The following MUC4 variants were observed in gnomAD, a reference collection of about 807,000 sequenced individuals.
MUC4 encodes the protein mucin-4.
A neutral mutation model predicts 257.9 loss-of-function variants in MUC4; 202 were observed. The ratio of observed to expected loss-of-function variants is 0.78; its 90% CI spans 0.70 to 0.88. The LOEUF (loss-of-function observed/expected upper bound fraction) is 0.88, where lower values mean the gene tolerates loss of function less well. Among genes scored for constraint, MUC4 ranks in the 40% least tolerant of loss-of-function variants. The pLI is 0.00. For missense variants in MUC4, 5,976 were observed against 6,513.7 expected, an observed-to-expected ratio of 0.92 and a Z score of 2.84; for synonymous variants, 2,351 against 2,757.1, an observed-to-expected ratio of 0.85 and a Z score of 4.62.
Position 195,789,328 on chromosome 3 carries a change from G to A in MUC4, c.2252C>T (p.Pro751Leu), listed in dbSNP as rs769910071. ...ANSVVSTPGG[P>L]EGQWTSASAS... ...AGAGGCTGATGTCCATTGTCCTTCT[G>A]GGCCCCCTGGTGTTGACACTACAGA... The change falls in exon 2 of 25, where the codon CCA (proline) becomes CTA (leucine). Residue 751 changes from proline to leucine, a missense_variant. Around this residue, in one of 44 missense-constraint regions of MUC4, gnomAD observed 1,583 missense variants for 1,257.4 expected, o/e 1.26. Transcript: ENST00000463781. 37 of 1,613,902 alleles carry A rather than the reference G, an allele frequency of 2.3e-5. No individual in the cohort carries two copies. The highest frequency in any genetic ancestry group is 1.7e-4 in the Middle Eastern group (1 of 6,060).
At chr3:195,775,353 G>A (rs146950812) in intron 3 of MUC4, among the ~76,000 whole-genome samples, 9 of 151,510 alleles carry the variant, frequency 5.9e-5, no homozygotes, top group South Asian at 2.1e-4. Flanking sequence ...GCACCGGGAC[G>A]ACTTTCTGCA....
Position 195,782,151 on chromosome 3 carries a change from G to C in MUC4, c.9429C>G (p.Ser3143=), listed in dbSNP as rs1449047666. 1.5e-6 allele frequency: 2 copies of C among 1,358,226 alleles called. No homozygotes were observed. The highest frequency in any genetic ancestry group is 1.9e-6 in the Non-Finnish European group (2 of 1,033,692). The allele number at this position is 1,358,226 out of a possible 1,614,324, so 84.1% of individuals were successfully genotyped here. A position where few individuals can be genotyped will look rare whatever the true frequency, so the allele number is the denominator to read the frequency against. The stretch of plus-strand genomic sequence containing the variant: ...GGGTGGTGTCACCTGTGGATGCTGA[G>C]GAAGTGCTGGTGACAGGAAGAGCGG... ...QATALPVTST[S]SASTGDTTPL... is the part of the protein sequence containing the mutation. Residue 3143 remains serine (S), a synonymous_variant, in exon 2 of 25, where the codon TCC becomes TCG. Coordinates refer to ENST00000463781, the MANE Select transcript of MUC4 (RefSeq NM_018406.7).
chr3:195,806,672 G>A (rs1033934110), intron 1 of MUC4, among the ~76,000 whole-genome samples: 3 of 152,182 alleles, frequency 2.0e-5, no homozygotes, highest in Admixed American at 6.6e-5. Context: ...TCTTCCCTCC[G>A]TCGGTGGGCT....
At chr3:195,751,160 G>T (rs1434528549) in intron 22 of MUC4, 47 bp downstream of exon 22, 6 of 1,423,068 alleles carry the variant, frequency 4.2e-6, no homozygotes, top group Non-Finnish European at 4.8e-6. Flanking sequence ...TGGGGGTGGG[G>T]GATGAGGAAG....
chr3:195,747,569 A>G (rs1431839744), intron 24 of MUC4, among the ~76,000 whole-genome samples, 189 bp from the exon 25 acceptor site: 1 of 152,288 alleles, frequency 6.6e-6, no homozygotes, highest in African/African-American at 2.4e-5. Flanking sequence ...TGTGGGCTTT[A>G]AAAACATGGG....
At position 195,780,573 on chromosome 3, in the gene MUC4, GTCGGTGACAGGAAGAGGGGTGGCGTGAC is replaced by G; in HGVS notation, c.10979_11006del (p.Gly3660AlafsTer590). On this transcript the variant is annotated frameshift_variant, in exon 2 of 25. Coordinates refer to ENST00000463781, the MANE Select transcript of MUC4 (RefSeq NM_018406.7). LOFTEE classifies it high-confidence loss of function. ...TGTCACCTGTGGATGCTGAGGAAGT[GTCGGTGACAGGAAGAGGGGTGGCGTGAC>G]CTGTGGATACTGAGGAAGCGTCGGT... The G allele has an allele frequency of 1.1e-6, 1 of 911,280 alleles. No individual in the cohort carries two copies. Among genetic ancestry groups the G allele is most frequent in the African/African-American group, 4.5e-5 (1 of 22,214 alleles). The allele number at this position is 911,280 out of a possible 1,614,324, so 56.4% of individuals were successfully genotyped here. A position where few individuals can be genotyped will look rare whatever the true frequency, so the allele number is the denominator to read the frequency against.
intron 7 of MUC4, among the ~76,000 whole-genome samples, chr3:195,767,846 ATCG>A (rs1369218011): frequency 2.2e-4 from 28 of 127,476 alleles, no homozygotes; most frequent in African/African-American, 7.5e-4. Context: ...CACCACCACC[ATCG>A]CCACCATCAC....
chr3:195,753,667 T>C (rs1395695577), intron 19 of MUC4: 1 of 225,452 alleles, frequency 4.4e-6, no homozygotes, highest in African/African-American at 2.3e-5. Context: ...GGCCTCGCTG[T>C]GATCTCCCTC....
At chr3:195,750,864 G>A (rs1716259269) in intron 23 of MUC4, 25 bp downstream of exon 23, 1 of 1,607,950 alleles carries the variant, frequency 6.2e-7, no homozygotes, top group African/African-American at 1.3e-5. Context: ...GACCCCCATA[G>A]TGTCCCCGGA....
chr3:195,811,655 C>A, intron 1 of MUC4, 81 bp downstream of exon 1: 3 of 1,266,986 alleles, frequency 2.4e-6, no homozygotes, highest in Non-Finnish European at 3.4e-6. Flanking sequence ...TCTCTGTCTC[C>A]CCGGACCTCT....
At chr3:195,754,713 T>C (rs746457059) in intron 18 of MUC4, among the ~76,000 whole-genome samples, 2 of 150,958 alleles carry the variant, frequency 1.3e-5, no homozygotes, top group Non-Finnish European at 3.0e-5. Flanking sequence ...GATTGAAGCA[T>C]GAATGAATGA....
chr3:195,788,977 A>G lies in MUC4; in HGVS notation c.2603T>C (p.Val868Ala), dbSNP rs758531937. The G allele has an allele frequency of 6.2e-7, 1 of 1,613,526 alleles. No individual in the cohort carries two copies. Among genetic ancestry groups the G allele is most frequent in the African/African-American group, 1.3e-5 (1 of 74,824 alleles). ...PVSTGMASSIVPGTFHPTLSE... is the reference protein window; with the variant it reads ...PVSTGMASSIAPGTFHPTLSE... ...GAGGGTGGGATGAAAGGTGCCGGGGACGATCGAAGACGCCATTCCTGTGCT... is the reference window on the plus strand; with the variant it reads ...GAGGGTGGGATGAAAGGTGCCGGGGGCGATCGAAGACGCCATTCCTGTGCT... Residue 868 changes from valine to alanine, a missense_variant, in exon 2 of 25, where the codon GTC (valine) becomes GCC (alanine). By Grantham distance (64) the Val-to-Ala change is moderately conservative. Transcript: ENST00000463781.
intron 1 of MUC4, among the ~76,000 whole-genome samples, chr3:195,794,391 GA>G (rs1560409545): frequency 4.8e-5 from 7 of 146,308 alleles, no homozygotes; most frequent in Non-Finnish European, 7.4e-5. Flanking sequence ...GAGAGAGAGA[GA>G]AGAAAGAGAG....
Position 195,782,905 on chromosome 3 carries a change from CCT to C in MUC4, c.8673_8674del (p.Gly2892SerfsTer17). On this transcript the variant is annotated frameshift_variant, in exon 2 of 25. Coordinates refer to ENST00000463781, the MANE Select transcript of MUC4 (RefSeq NM_018406.7). LOFTEE classifies it high-confidence loss of function. ...GGTGAGAGGAAGAGGGGTAGCGTGA[CCT>C]GTGGACACTGAGGAAGCGTCGGTGA... The C allele has an allele frequency of 6.6e-7, 1 of 1,515,052 alleles. No individual in the cohort carries two copies. Among genetic ancestry groups the C allele is most frequent in the Non-Finnish European group, 8.9e-7 (1 of 1,124,416 alleles). The allele number at this position is 1,515,052 out of a possible 1,614,324, so 93.9% of individuals were successfully genotyped here. A position where few individuals can be genotyped will look rare whatever the true frequency, so the allele number is the denominator to read the frequency against.
chr3:195,795,694 G>T (rs1407555573), intron 1 of MUC4, among the ~76,000 whole-genome samples: 1 of 151,938 alleles, frequency 6.6e-6, no homozygotes, highest in Non-Finnish European at 1.5e-5. Context: ...AGACTAGAAA[G>T]ACCAGGAAGA....
Position 195,755,173 on chromosome 3 carries a change from C to T in MUC4, c.15169-801G>A, listed in dbSNP as rs140582118. Among the ~76,000 whole-genome samples the T allele has an allele frequency of 1.1e-4, 17 of 151,928 alleles. No homozygotes were observed. Among genetic ancestry groups the T allele is most frequent in the Non-Finnish European group, 2.1e-4 (14 of 67,952 alleles). On this transcript the variant is annotated intron_variant, in intron 18 of 24. Coordinates refer to ENST00000463781, the MANE Select transcript of MUC4 (RefSeq NM_018406.7). The surrounding 1 kb of genome is among the most constrained non-coding windows in gnomAD (Gnocchi z 5.0). ...CTGGGGCTACAGGCATGCACCACCA[C>T]GCCCACTAATTTTTGTATTTTTCTT...
chr3:195,798,332 T>C (rs931949740), intron 1 of MUC4, among the ~76,000 whole-genome samples: 6 of 152,150 alleles, frequency 3.9e-5, no homozygotes, highest in African/African-American at 9.7e-5. Context: ...TTTGGGAACA[T>C]TTATAGTTGA....
rs367987518 is a variant in MUC4, at chr3:195,749,188, A to G, written c.15872-124T>C. Reference sequence around the variant, plus strand: ...AATAATTGGAGAAGTGCACAGATACATATGCCCCTGGACGTTCAGATCAGC... The same window carrying G: ...AATAATTGGAGAAGTGCACAGATACGTATGCCCCTGGACGTTCAGATCAGC... On this transcript the variant is annotated intron_variant, in intron 23 of 24. Transcript: ENST00000463781. 33 of 1,222,430 alleles carry G rather than the reference A, an allele frequency of 2.7e-5. No individual in the cohort carries two copies. The South Asian group carries it at 2.8e-4, about 10-fold the overall frequency. 75.7% of individuals were successfully genotyped at this position (1,222,430 alleles called of 1,614,324 possible). A position where few individuals can be genotyped will look rare whatever the true frequency, so the allele number is the denominator to read the frequency against.
In MUC4 at chr3:195,754,228, C is replaced by G; in HGVS notation, c.15313G>C (p.Gly5105Arg). 6.2e-7 allele frequency: 1 copy of G among 1,613,622 alleles called. No homozygotes were observed. The highest frequency in any genetic ancestry group is 8.5e-7 in the Non-Finnish European group (1 of 1,179,812). Reference protein sequence around the residue: ...EACPPNLTGDGRHCAALGSSF... With the variant: ...EACPPNLTGDRRHCAALGSSF... ...CCCGGCTCACCCGCACAGTGCCGCC[C>G]ATCCCCAGTCAGGTTTGGAGGGCAG... Residue 5105 changes from glycine to arginine, a missense_variant, in exon 19 of 25, where the codon GGG becomes CGG. By Grantham distance (125) the Gly-to-Arg change is moderately radical. Around this residue, in one of 44 missense-constraint regions of MUC4, gnomAD observed 996 missense variants for 1,137.3 expected, o/e 0.88. Coordinates refer to ENST00000463781, the MANE Select transcript of MUC4 (RefSeq NM_018406.7).
Sources: allele counts gnomAD v4.1 joint callset (sites outside exome capture counted in the v4.1 genomes callset), GRCh38; gene constraint gnomAD v4.1.1; regional missense constraint gnomAD v4.1.1; non-coding constraint Gnocchi (gnomAD v3.1); transcripts MANE v1.5; gene names NCBI Gene and HGNC (gene_info 2026-07-23, HGNC 2026-07-21).